SYNE1: variants seen among roughly 807,000 people sequenced by gnomAD.
SYNE1 encodes the protein spectrin repeat containing nuclear envelope protein 1.
Under a neutral mutation model 1,111.0 loss-of-function variants are expected in SYNE1, and 616 were observed. That is an observed-to-expected ratio of 0.55 (90% CI 0.52 to 0.59). The LOEUF (loss-of-function observed/expected upper bound fraction) is 0.59. Among genes scored for constraint, SYNE1 ranks in the 20% least tolerant of loss-of-function variants. SYNE1 has a pLI of 0.00. For synonymous variants in SYNE1, 3,855 were observed against 3,825.8 expected (o/e 1.01, Z -0.28); for missense variants, 10,006 against 10,417.0 (o/e 0.96, Z 1.72).
chr6:152,318,927 G>C lies in SYNE1; in HGVS notation c.16325C>G (p.Thr5442Arg). ...RQIQKLAKDL[T>R]TILTKLKAKT... ...CGCTTTCAGCTTAGTTAGAATAGTTGTGAGGTCTTTAGCTAACTTCTGAAT... is the reference window on the plus strand; with the variant it reads ...CGCTTTCAGCTTAGTTAGAATAGTTCTGAGGTCTTTAGCTAACTTCTGAAT... The change falls in exon 85 of 146, where the codon ACA (threonine) becomes AGA (arginine). Residue 5442 changes from threonine to arginine, a missense_variant. This residue lies in a region of SYNE1 where 4,955 missense variants were observed against 5,017.2 expected (regional missense o/e 0.99). Coordinates refer to ENST00000367255, the MANE Select transcript of SYNE1 (RefSeq NM_182961.4). 1 of 1,614,180 alleles carries C rather than the reference G, an allele frequency of 6.2e-7. No individual in the cohort carries two copies. The highest frequency in any genetic ancestry group is 1.3e-5 in the African/African-American group (1 of 75,058).
rs764595242 is a variant in SYNE1, at chr6:152,350,148, C to A, written c.11901+20G>T. The A allele has an allele frequency of 7.4e-6, 12 of 1,612,396 alleles. No individual in the cohort carries two copies. The African/African-American group carries it at 1.2e-4, about 16-fold the overall frequency. On this transcript the variant is annotated intron_variant, in intron 72 of 145. Transcript: ENST00000367255. ...CTGGTGAAGCCATCCCAAAGGCAGC[C>A]CTTTAAAGGTCAGGGGTACCTTGTG...
chr6:152,475,323 C>T (rs1052357128), intron 14 of SYNE1, among the ~76,000 whole-genome samples: 11 of 152,132 alleles, frequency 7.2e-5, no homozygotes, highest in South Asian at 4.1e-4. Flanking sequence ...GTATTTAATA[C>T]GCCTAAACCA....
chr6:152,359,629 G>GGTGGGTGTGT (rs1554534480), intron 64 of SYNE1, among the ~76,000 whole-genome samples, 171 bp from the exon 65 acceptor site: 1 of 148,496 alleles, frequency 6.7e-6, no homozygotes, highest in African/African-American at 2.5e-5. Flanking sequence ...TGAATGCATG[G>GGTGGGTGTGT]GTGTGTGTGT....
chr6:152,136,859 G>T, intron 140 of SYNE1, 41 bp from the exon 141 acceptor site: 1 of 1,594,746 alleles, frequency 6.3e-7, no homozygotes, highest in South Asian at 1.1e-5. Context: ...GGACAATAAT[G>T]ACAAAGATAT....
chr6:152,322,285 ATAAT>A (rs1229770876), intron 82 of SYNE1, among the ~76,000 whole-genome samples: 9 of 152,336 alleles, frequency 5.9e-5, no homozygotes, highest in African/African-American at 2.2e-4. Context: ...TGGAAATGTC[ATAAT>A]TAATCACGTT....
Position 152,548,539 on chromosome 6 carries a change from C to T in SYNE1, c.68-8518G>A, listed in dbSNP as rs1050157891. 3.3e-5 allele frequency among the ~76,000 whole-genome samples: 5 copies of T among 152,154 alleles called. No individual in the cohort carries two copies. The East Asian group carries it at 9.6e-4, about 29-fold the overall frequency. On this transcript the variant is annotated intron_variant, in intron 3 of 145. Coordinates refer to ENST00000367255, the MANE Select transcript of SYNE1 (RefSeq NM_182961.4). ...GCAGGTAACTTCTCTTTTTAGTTAACGGGTCTATGGATTGAGAGAAATTTC... is the reference window on the plus strand; with the variant it reads ...GCAGGTAACTTCTCTTTTTAGTTAATGGGTCTATGGATTGAGAGAAATTTC...
At chr6:152,500,627 C>G (rs1411819662) in intron 10 of SYNE1, among the ~76,000 whole-genome samples, 1 of 152,002 alleles carries the variant, frequency 6.6e-6, no homozygotes, top group Non-Finnish European at 1.5e-5. Flanking sequence ...TAGCCTTTTT[C>G]TTCTTTATAT....
At chr6:152,135,295 G>C in intron 141 of SYNE1, 63 bp from the exon 142 acceptor site, 3 of 1,548,300 alleles carry the variant, frequency 1.9e-6, no homozygotes, top group Non-Finnish European at 2.6e-6. Flanking sequence ...AAACTTAAAT[G>C]TCTTTCAACT....
At chr6:152,222,045 C>T (rs1167573600) in intron 117 of SYNE1, among the ~76,000 whole-genome samples, 2 of 152,178 alleles carry the variant, frequency 1.3e-5, no homozygotes, top group African/African-American at 4.8e-5. Flanking sequence ...ACTCCTACCC[C>T]TCCCTCCCTT....
At chr6:152,512,321 C>A (rs1594362369) in intron 6 of SYNE1, among the ~76,000 whole-genome samples, 1 of 152,028 alleles carries the variant, frequency 6.6e-6, no homozygotes, top group Non-Finnish European at 1.5e-5. Context: ...ACTTGTATAT[C>A]TACTTCCTTT....
chr6:152,138,691 G>C (rs2747658), intron 140 of SYNE1, among the ~76,000 whole-genome samples: 54,085 of 151,858 alleles, frequency 0.36, 10,587 homozygotes, highest in African/African-American at 0.51. Flanking sequence ...GGAGAGCCTA[G>C]GTGGCCACAT....
chr6:152,253,457 T>G (rs1447215836), intron 104 of SYNE1, among the ~76,000 whole-genome samples: 1 of 152,184 alleles, frequency 6.6e-6, no homozygotes, highest in African/African-American at 2.4e-5. Flanking sequence ...AATATGAGTA[T>G]GAGTTTGATT....
At chr6:152,449,866 C>A (rs2098632704) in intron 27 of SYNE1, among the ~76,000 whole-genome samples, 2 of 152,070 alleles carry the variant, frequency 1.3e-5, no homozygotes. Flanking sequence ...GGGAGCTCAG[C>A]TAAGGAAAAA....
In SYNE1 at chr6:152,464,755, C is replaced by G. The variant is rs148189924; in HGVS notation, c.1932+503G>C. On this transcript the variant is annotated intron_variant, in intron 18 of 145. Transcript: ENST00000367255. ...AAACAGTAACTCTCACAGGCACACACACATACACACTTATAACTGGCCAAA... is the reference window on the plus strand; with the variant it reads ...AAACAGTAACTCTCACAGGCACACAGACATACACACTTATAACTGGCCAAA... 50 of 190,114 alleles carry G rather than the reference C, an allele frequency of 2.6e-4. No individual in the cohort carries two copies. In the East Asian group the frequency reaches 5.0e-3, roughly 19 times the overall value. 11.8% of individuals were successfully genotyped at this position (190,114 alleles called of 1,614,324 possible).
At chr6:152,178,733 G>A (rs905342896) in intron 129 of SYNE1, among the ~76,000 whole-genome samples, 12 of 152,136 alleles carry the variant, frequency 7.9e-5, no homozygotes, top group Non-Finnish European at 1.5e-4. Flanking sequence ...CAAAGCCCAT[G>A]CTCCTGGAAA....
intron 51 of SYNE1, 61 bp downstream of exon 51, chr6:152,395,455 C>T (rs1008402313): frequency 1.3e-6 from 2 of 1,564,822 alleles, no homozygotes; most frequent in Non-Finnish European, 1.7e-6. Context: ...AACCAACCAA[C>T]CAACCAACTA....
At chr6:152,239,835 G>A in intron 107 of SYNE1, 129 bp from the exon 108 acceptor site, 8 of 953,136 alleles carry the variant, frequency 8.4e-6, no homozygotes, top group Non-Finnish European at 1.3e-5. Flanking sequence ...GAAGTGGGTG[G>A]ATTACCTGAG....
chr6:152,417,389 T>C (rs2098175325), intron 40 of SYNE1, among the ~76,000 whole-genome samples: 1 of 152,010 alleles, frequency 6.6e-6, no homozygotes. Flanking sequence ...TCCCAGCTAC[T>C]CGGGAGGCTG....
At chr6:152,351,469 T>C (rs1308208253) in intron 70 of SYNE1, among the ~76,000 whole-genome samples, 1 of 152,274 alleles carries the variant, frequency 6.6e-6, no homozygotes, top group Admixed American at 6.5e-5. Flanking sequence ...GCATAATTGC[T>C]TCAAAAATTT....
Sources: gnomAD v4.1 joint callset for allele counts (sites outside exome capture counted in the v4.1 genomes callset) on GRCh38, gnomAD v4.1.1 for gene constraint, gnomAD v4.1.1 regional missense constraint, MANE v1.5 for transcripts, NCBI Gene and HGNC (gene_info 2026-07-23, HGNC 2026-07-21) for gene names.